The following CFTR variants were observed in gnomAD, a reference collection of about 807,000 sequenced individuals.
CFTR encodes the protein CF transmembrane conductance regulator, also known as cystic fibrosis transmembrane conductance regulator.
CFTR carries 181 observed loss-of-function variants against 171.6 expected under a neutral mutation model. That is an observed-to-expected ratio of 1.05 (90% CI 0.93 to 1.19). CFTR has a LOEUF of 1.19. CFTR is among the 50% of genes most tolerant of loss of function. CFTR has a pLI of 0.00. For missense variants in CFTR, 1,968 were observed against 1,734.7 expected (o/e 1.13, Z -2.39); for synonymous variants, 583 against 608.0 (o/e 0.96, Z 0.60).
intron 22 of CFTR, among the ~76,000 whole-genome samples, chr7:117,640,973 A>G (rs2116161764): frequency 6.6e-6 from 1 of 152,304 alleles, no homozygotes; most frequent in Non-Finnish European, 1.5e-5. Flanking sequence ...TCCTTGTTGA[A>G]CTTATATTTT....
At chr7:117,549,497 A>G (rs944664047) in intron 10 of CFTR, among the ~76,000 whole-genome samples, 16 of 152,330 alleles carry the variant, frequency 1.1e-4, no homozygotes, top group Admixed American at 9.2e-4. Context: ...CTTCAAGAAT[A>G]TAACCCATTG....
At chr7:117,605,181 G>A (rs997941566) in intron 17 of CFTR, among the ~76,000 whole-genome samples, 5 of 152,028 alleles carry the variant, frequency 3.3e-5, no homozygotes, top group African/African-American at 1.2e-4. Flanking sequence ...TCCCTTTAAC[G>A]CTGTTCATAG....
At chr7:117,612,033 A>ATATATATATATATATATG (rs1792408018) in intron 20 of CFTR, among the ~76,000 whole-genome samples, 2 of 75,310 alleles carry the variant, frequency 2.7e-5, no homozygotes, top group Non-Finnish European at 5.5e-5. Flanking sequence ...GTATATATAT[A>ATATATATATATATATATG]TATATATATA....
chr7:117,563,901 A>G (rs1046278387), intron 11 of CFTR, among the ~76,000 whole-genome samples: 2 of 152,142 alleles, frequency 1.3e-5, no homozygotes, highest in Admixed American at 6.6e-5. Context: ...ATAATAGAAA[A>G]AATCAGCCAG....
chr7:117,570,786 A>G (rs1428307052), intron 11 of CFTR, among the ~76,000 whole-genome samples: 2 of 152,224 alleles, frequency 1.3e-5, no homozygotes, highest in Non-Finnish European at 2.9e-5. Flanking sequence ...AGTATTATTA[A>G]ACTATCAAGA....
chr7:117,571,245 A>G (rs1362495900), intron 11 of CFTR, among the ~76,000 whole-genome samples: 2 of 152,226 alleles, frequency 1.3e-5, no homozygotes, highest in Non-Finnish European at 2.9e-5. Context: ...GATCTAAATT[A>G]CAAAGCAGAA....
chr7:117,633,668 TCTC>T (rs1482150500), intron 22 of CFTR, among the ~76,000 whole-genome samples: 1 of 151,798 alleles, frequency 6.6e-6, no homozygotes, highest in Non-Finnish European at 1.5e-5. Flanking sequence ...GTTGAAGAAG[TCTC>T]CTTCTATTTT....
In CFTR at chr7:117,592,448, C is replaced by T; in HGVS notation, c.2281C>T (p.Leu761Phe). The T allele has an allele frequency of 6.3e-7, 1 of 1,593,640 alleles. No homozygotes were observed. The highest frequency in any genetic ancestry group is 8.5e-7 in the Non-Finnish European group (1 of 1,170,196). The change falls in exon 14 of 27, where the codon CTT becomes TTT. Residue 761 changes from leucine (L) to phenylalanine (F), a missense_variant. Physicochemically the swap from Leu to Phe is conservative, Grantham distance 22. Transcript: ENST00000003084. Reference protein sequence around the residue: ...RISVISTGPTLQARRRQSVLN... With the variant: ...RISVISTGPTFQARRRQSVLN... ...CAGCGTGATCAGCACTGGCCCCACG[C>T]TTCAGGCACGAAGGAGGCAGTCTGT...
intron 11 of CFTR, among the ~76,000 whole-genome samples, chr7:117,586,744 A>T (rs976922671): frequency 6.6e-6 from 1 of 152,028 alleles, no homozygotes; most frequent in Admixed American, 6.6e-5. Flanking sequence ...AAACGAATGT[A>T]CAAGGATGGG....
intron 9 of CFTR, among the ~76,000 whole-genome samples, chr7:117,546,191 A>C (rs1003945462): frequency 3.3e-5 from 5 of 151,870 alleles, no homozygotes; most frequent in Non-Finnish European, 7.4e-5. Flanking sequence ...ACGGGGTTTC[A>C]CCATCTTGGC....
intron 8 of CFTR, among the ~76,000 whole-genome samples, chr7:117,540,942 C>T (rs991164592): frequency 3.1e-4 from 47 of 152,252 alleles, no homozygotes; most frequent in African/African-American, 1.1e-3. Flanking sequence ...ATGTCTCACA[C>T]ACACACACAC....
At chr7:117,573,025 C>G (rs945991901) in intron 11 of CFTR, among the ~76,000 whole-genome samples, 1 of 150,554 alleles carries the variant, frequency 6.6e-6, no homozygotes, top group Non-Finnish European at 1.5e-5. Flanking sequence ...TTAAATGTAA[C>G]ACTCCACCCT....
chr7:117,630,405 T>C (rs554047544), intron 22 of CFTR, among the ~76,000 whole-genome samples: 2 of 152,160 alleles, frequency 1.3e-5, no homozygotes, highest in African/African-American at 2.4e-5. Flanking sequence ...AGCTGTGTAT[T>C]TGAACAAGTA....
chr7:117,562,793 T>C (rs1168463356), intron 11 of CFTR, among the ~76,000 whole-genome samples: 2 of 152,168 alleles, frequency 1.3e-5, no homozygotes, highest in Non-Finnish European at 2.9e-5. Context: ...GCTAGACAGT[T>C]CAGGATCTCT....
intron 11 of CFTR, among the ~76,000 whole-genome samples, chr7:117,585,926 G>T (rs1360065303): frequency 6.6e-6 from 1 of 152,140 alleles, no homozygotes; most frequent in Non-Finnish European, 1.5e-5. Flanking sequence ...GATTATAAGT[G>T]AGCCACTATG....
At chr7:117,512,185 A>T (rs1798529978) in intron 3 of CFTR, among the ~76,000 whole-genome samples, 1 of 152,188 alleles carries the variant, frequency 6.6e-6, no homozygotes, top group Admixed American at 6.5e-5. Context: ...AAAAAAAAGG[A>T]GGTGCCATCA....
chr7:117,588,617 G>A (rs954581531), intron 12 of CFTR, among the ~76,000 whole-genome samples: 2 of 152,084 alleles, frequency 1.3e-5, no homozygotes, highest in Non-Finnish European at 2.9e-5. Flanking sequence ...TCCAAAAGCT[G>A]AGACAGGAAA....
At chr7:117,603,405 AG>A (rs1792254119) in intron 16 of CFTR, 126 bp from the exon 17 acceptor site, 2 of 930,400 alleles carry the variant, frequency 2.1e-6, no homozygotes, top group Non-Finnish European at 1.7e-6. Context: ...TTTGAGGTTA[AG>A]GGTGCATGCT....
Position 117,596,958 on chromosome 7 carries a change from C to T in CFTR, c.2619+1900C>T, listed in dbSNP as rs143864002. Among the ~76,000 whole-genome samples, 844 of 152,282 alleles carry T rather than the reference C, an allele frequency of 5.5e-3. 4 individuals are homozygous for T. The highest frequency in any genetic ancestry group is 9.7e-3 in the Non-Finnish European group (661 of 68,024). On this transcript the variant is annotated intron_variant, in intron 15 of 26. Transcript: ENST00000003084. ...CAGGGATTGTAAACGCACCAATCAGCACCCTGTCAAAACGGACCAATCAGC... is the reference window on the plus strand; with the variant it reads ...CAGGGATTGTAAACGCACCAATCAGTACCCTGTCAAAACGGACCAATCAGC...
Sources: allele counts gnomAD v4.1 joint callset (sites outside exome capture counted in the v4.1 genomes callset), GRCh38; gene constraint gnomAD v4.1.1; transcripts MANE v1.5; gene names NCBI Gene and HGNC (gene_info 2026-07-23, HGNC 2026-07-21).